The following GPC5 variants were observed in gnomAD, a reference collection of about 807,000 sequenced individuals.
GPC5 encodes glypican 5.
Under a neutral mutation model 53.9 loss-of-function variants are expected in GPC5, and 47 were observed. That is an observed-to-expected ratio of 0.87 (90% CI 0.69 to 1.11). The LOEUF (loss-of-function observed/expected upper bound fraction) is 1.11. Ranked by LOEUF, GPC5 falls within the 50% of genes most tolerant of loss-of-function variation. GPC5 has a pLI of 0.00. For missense variants in GPC5, 748 were observed against 713.1 expected (o/e 1.05, Z -0.56); for synonymous variants, 286 against 263.3 (o/e 1.09, Z -0.84).
intron 3 of GPC5, among the ~76,000 whole-genome samples, chr13:91,698,465 A>G (rs531473567): frequency 1.1e-4 from 16 of 152,322 alleles, no homozygotes; most frequent in African/African-American, 3.8e-4. Context: ...GTTTTTAGGC[A>G]TTTAAACTAT....
At chr13:91,709,579 A>C (rs163933) in intron 3 of GPC5, among the ~76,000 whole-genome samples, 35,768 of 152,212 alleles carry the variant, frequency 0.23, 6,541 homozygotes, top group African/African-American at 0.51. Context: ...GATACCACTA[A>C]CTATGGGAAG....
chr13:92,667,202 G>A (rs1334142527), intron 7 of GPC5, among the ~76,000 whole-genome samples: 1 of 152,160 alleles, frequency 6.6e-6, no homozygotes, highest in African/African-American at 2.4e-5. Flanking sequence ...ATGTGTGTCT[G>A]TGTGTGTACG....
chr13:92,571,395 A>G (rs11839447), intron 7 of GPC5, among the ~76,000 whole-genome samples: 4 of 152,166 alleles, frequency 2.6e-5, no homozygotes, highest in Non-Finnish European at 5.9e-5. Flanking sequence ...GAGCCAGGCC[A>G]TGCGCCATGG....
intron 7 of GPC5, among the ~76,000 whole-genome samples, chr13:92,636,903 A>G (rs1471352557): frequency 6.6e-6 from 1 of 152,000 alleles, no homozygotes; most frequent in African/African-American, 2.4e-5. Context: ...TTTCCTTCCT[A>G]TGTTTCCTAT....
At chr13:92,033,072 T>TGTGTGTGC (rs1470967154) in intron 6 of GPC5, among the ~76,000 whole-genome samples, 1 of 151,564 alleles carries the variant, frequency 6.6e-6, no homozygotes. Flanking sequence ...TGTGTGTGTG[T>TGTGTGTGC]GTGCTTCTCA....
chr13:92,176,115 G>A (rs1467435573), intron 7 of GPC5, among the ~76,000 whole-genome samples: 5 of 152,120 alleles, frequency 3.3e-5, no homozygotes, highest in African/African-American at 4.8e-5. Flanking sequence ...ACCATATATC[G>A]TGAAGGACTT....
chr13:91,758,403 A>G (rs1405200645), intron 5 of GPC5, among the ~76,000 whole-genome samples: 1 of 152,062 alleles, frequency 6.6e-6, no homozygotes, highest in Non-Finnish European at 1.5e-5. Flanking sequence ...TGTTTAATAT[A>G]CTACATTACA....
intron 2 of GPC5, among the ~76,000 whole-genome samples, chr13:91,544,602 C>T (rs187199056): frequency 6.6e-6 from 1 of 152,266 alleles, no homozygotes; most frequent in East Asian, 1.9e-4. Flanking sequence ...ATCTGAAATT[C>T]TTCTTTTTTA....
At chr13:91,404,112 C>T (rs980467909) in intron 1 of GPC5, among the ~76,000 whole-genome samples, 4 of 152,148 alleles carry the variant, frequency 2.6e-5, no homozygotes, top group Admixed American at 6.5e-5. Context: ...TAAGGCTTTC[C>T]GGAAGATGGG....
chr13:91,768,736 C>A (rs2037569145), intron 5 of GPC5, among the ~76,000 whole-genome samples: 1 of 152,048 alleles, frequency 6.6e-6, no homozygotes, highest in Admixed American at 6.6e-5. Context: ...ATAAAAATAT[C>A]ATGTTTATAA....
At chr13:91,436,135 C>T (rs1039941433) in intron 1 of GPC5, among the ~76,000 whole-genome samples, 42 of 152,072 alleles carry the variant, frequency 2.8e-4, no homozygotes, top group Non-Finnish European at 5.3e-4. Flanking sequence ...TTCAAAAAAC[C>T]AGCTCCTGGA....
intron 7 of GPC5, among the ~76,000 whole-genome samples, chr13:92,706,286 T>A (rs1257243962): frequency 6.6e-6 from 1 of 152,070 alleles, no homozygotes; most frequent in East Asian, 1.9e-4. Flanking sequence ...AAGTTATAAT[T>A]CAAATTTTAT....
intron 4 of GPC5, among the ~76,000 whole-genome samples, chr13:91,748,366 C>T (rs927235790): frequency 6.6e-6 from 1 of 152,148 alleles, no homozygotes; most frequent in Non-Finnish European, 1.5e-5. Context: ...AAAGGTCTCT[C>T]TGATATTTTG....
At chr13:92,363,350 G>A (rs1210329238) in intron 7 of GPC5, among the ~76,000 whole-genome samples, 1 of 151,662 alleles carries the variant, frequency 6.6e-6, no homozygotes, top group African/African-American at 2.4e-5. Flanking sequence ...TTTGGCACCA[G>A]GGACCGGTTT....
chr13:91,779,123 A>C (rs1418674120), intron 5 of GPC5, among the ~76,000 whole-genome samples: 1 of 151,846 alleles, frequency 6.6e-6, no homozygotes, highest in Non-Finnish European at 1.5e-5. Flanking sequence ...ATTACTGTAC[A>C]CTACTGTAGA....
intron 2 of GPC5, among the ~76,000 whole-genome samples, chr13:91,539,330 C>T (rs925167344): frequency 3.3e-5 from 5 of 151,990 alleles, no homozygotes; most frequent in African/African-American, 1.2e-4. Context: ...ATCACATGAT[C>T]ACAAGTGCAG....
chr13:91,599,668 A>G (rs933572401), intron 2 of GPC5, among the ~76,000 whole-genome samples: 1 of 152,252 alleles, frequency 6.6e-6, no homozygotes, highest in Non-Finnish European at 1.5e-5. Context: ...AAGTTACAAA[A>G]GAAAATCCAT....
chr13:91,692,529 T>C (rs568113026), intron 2 of GPC5, among the ~76,000 whole-genome samples: 1 of 152,348 alleles, frequency 6.6e-6, no homozygotes, highest in African/African-American at 2.4e-5. Flanking sequence ...TTATAAATAA[T>C]GAAGTCAGAT....
chr13:91,623,067 T>G (rs1465060745), intron 2 of GPC5, among the ~76,000 whole-genome samples: 2 of 152,018 alleles, frequency 1.3e-5, no homozygotes, highest in Non-Finnish European at 2.9e-5. Flanking sequence ...CAGGGGTGAA[T>G]AAGACTTGAA....
Sources: allele counts gnomAD v4.1 joint callset (sites outside exome capture counted in the v4.1 genomes callset), GRCh38; gene constraint gnomAD v4.1.1; transcripts MANE v1.5; gene names NCBI Gene and HGNC (gene_info 2026-07-23, HGNC 2026-07-21).